The following VPS50 variants were observed in gnomAD, a reference collection of about 807,000 sequenced individuals.
VPS50 encodes the protein VPS50 subunit of EARP/GARPII complex.
VPS50 carries 70 observed loss-of-function variants against 139.7 expected under a neutral mutation model. That is an observed-to-expected ratio of 0.50 (90% CI 0.41 to 0.61). VPS50 has a LOEUF of 0.61. Ranked by LOEUF, VPS50 falls within the 20% of genes least tolerant of loss-of-function variation. The pLI, the probability that VPS50 is intolerant of heterozygous loss-of-function variation, is 0.00. For synonymous variants in VPS50, 365 were observed against 376.7 expected (o/e 0.97, Z 0.36); for missense variants, 921 against 1,133.7 (o/e 0.81, Z 2.69).
rs1795518846 is a variant in VPS50, at chr7:93,257,381, A to T, written c.352-13A>T. 1.6e-5 allele frequency: 24 copies of T among 1,519,758 alleles called. No homozygotes were observed. The highest frequency in any genetic ancestry group is 2.1e-5 in the Non-Finnish European group (23 of 1,096,654). The allele number at this position is 1,519,758 out of a possible 1,614,324, so 94.1% of individuals were successfully genotyped here. On this transcript the variant is annotated splice_polypyrimidine_tract_variant and intron_variant, in intron 5 of 27. Transcript: ENST00000305866. ...ATACCTCCAACAATAACCTGTACCTAATCTTCCCATAGGAACTTGAAAGAG... is the reference window on the plus strand; with the variant it reads ...ATACCTCCAACAATAACCTGTACCTTATCTTCCCATAGGAACTTGAAAGAG...
chr7:93,352,074 T>C (rs1798577600), intron 25 of VPS50, among the ~76,000 whole-genome samples: 1 of 152,190 alleles, frequency 6.6e-6, no homozygotes, highest in South Asian at 2.1e-4. Context: ...AAAAATGAAA[T>C]GTTTGTATGA....
intron 12 of VPS50, among the ~76,000 whole-genome samples, chr7:93,281,886 C>CT (rs1382537341): frequency 6.6e-6 from 1 of 152,122 alleles, no homozygotes; most frequent in African/African-American, 2.4e-5. Context: ...TGTTTTATAA[C>CT]TTTTTTGCCA....
chr7:93,297,181 G>A lies in VPS50; in HGVS notation c.1299G>A (p.Lys433=). The A allele has an allele frequency of 6.4e-7, 1 of 1,564,560 alleles. No homozygotes were observed. Among genetic ancestry groups the A allele is most frequent in the Non-Finnish European group, 8.6e-7 (1 of 1,164,890 alleles). The change falls in exon 16 of 28, where the codon AAG becomes AAA. Residue 433 remains lysine, a synonymous_variant. Coordinates refer to ENST00000305866, the MANE Select transcript of VPS50 (RefSeq NM_017667.4). ...TTGGAGAAGAATTTTGTGGTAGCAAGTCTGAAGTTTTACAGGAATCTATTA... is the reference window on the plus strand; with the variant it reads ...TTGGAGAAGAATTTTGTGGTAGCAAATCTGAAGTTTTACAGGAATCTATTA... The part of the protein sequence containing the change: ...MQVGEEFCGS[K]SEVLQESIRK...
chr7:93,327,028 C>T (rs1182809118), intron 21 of VPS50, among the ~76,000 whole-genome samples: 2 of 152,152 alleles, frequency 1.3e-5, no homozygotes, highest in African/African-American at 4.8e-5. Context: ...TTTGGAAACT[C>T]ACTAAATAAA....
chr7:93,260,091 A>G (rs537512009), intron 9 of VPS50, among the ~76,000 whole-genome samples: 1 of 152,328 alleles, frequency 6.6e-6, no homozygotes, highest in Non-Finnish European at 1.5e-5. Flanking sequence ...TTCAATTTAT[A>G]TAATAATAAT....
At chr7:93,343,425 G>A (rs928999778) in intron 23 of VPS50, among the ~76,000 whole-genome samples, 4 of 152,140 alleles carry the variant, frequency 2.6e-5, no homozygotes, top group Non-Finnish European at 5.9e-5. Context: ...TATTATCCAG[G>A]AGAACTTCCC....
chr7:93,247,337 A>G (rs946409916), intron 2 of VPS50, among the ~76,000 whole-genome samples: 9 of 152,002 alleles, frequency 5.9e-5, no homozygotes, highest in Non-Finnish European at 1.3e-4. Flanking sequence ...AACAAATCTC[A>G]GTTGTTGCAT....
chr7:93,334,491 G>T (rs535767477), intron 22 of VPS50, among the ~76,000 whole-genome samples: 2 of 152,288 alleles, frequency 1.3e-5, no homozygotes, highest in East Asian at 3.9e-4. Flanking sequence ...ACTTGTGCTA[G>T]GCTTCGAAGA....
chr7:93,306,742 T>G lies in VPS50; in HGVS notation c.1629+738T>G, dbSNP rs543668227. The stretch of plus-strand genomic sequence containing the variant: ...TTTTGTTTGATGGTTTCTTCTGATC[T>G]TCATAATTTCCATAATGACCCAATA... On this transcript the variant is annotated intron_variant, in intron 18 of 27. Coordinates refer to ENST00000305866, the MANE Select transcript of VPS50 (RefSeq NM_017667.4). 4.2e-4 allele frequency among the ~76,000 whole-genome samples: 64 copies of G among 152,098 alleles called. 1 individual carries two copies. In the Middle Eastern group the frequency reaches 0.027, roughly 65 times the overall value.
At chr7:93,314,889 C>T (rs1797379616) in intron 20 of VPS50, among the ~76,000 whole-genome samples, 1 of 151,850 alleles carries the variant, frequency 6.6e-6, no homozygotes, top group Non-Finnish European at 1.5e-5. Context: ...AGTTTCTCAG[C>T]AGTTTAGTTT....
chr7:93,268,957 C>A (rs185761895), intron 9 of VPS50, among the ~76,000 whole-genome samples: 11 of 152,178 alleles, frequency 7.2e-5, no homozygotes, highest in Non-Finnish European at 1.5e-4. Flanking sequence ...ATGGTAGAAT[C>A]ATCAGGATTT....
At chr7:93,316,117 T>C (rs949685382) in intron 20 of VPS50, among the ~76,000 whole-genome samples, 1 of 152,130 alleles carries the variant, frequency 6.6e-6, no homozygotes, top group South Asian at 2.1e-4. Flanking sequence ...TAGGTTCTCA[T>C]AGATGAAGTT....
chr7:93,341,317 T>C, intron 22 of VPS50, 110 bp from the exon 23 acceptor site: 1 of 661,684 alleles, frequency 1.5e-6, no homozygotes, highest in South Asian at 2.2e-5. Flanking sequence ...CTAAATGTAA[T>C]TAACGTGTGC....
intron 21 of VPS50, among the ~76,000 whole-genome samples, chr7:93,326,110 T>C (rs1160455861): frequency 6.6e-6 from 1 of 152,006 alleles, no homozygotes; most frequent in Non-Finnish European, 1.5e-5. Flanking sequence ...TAGAATACTA[T>C]GCAGCCATAA....
chr7:93,270,587 A>G (rs1229329637), intron 9 of VPS50, among the ~76,000 whole-genome samples: 4 of 151,878 alleles, frequency 2.6e-5, no homozygotes, highest in African/African-American at 7.3e-5. Context: ...TCTGTTCAGT[A>G]TGTATCCAGG....
intron 2 of VPS50, among the ~76,000 whole-genome samples, chr7:93,240,430 A>G (rs753032225): frequency 1.3e-5 from 2 of 152,176 alleles, no homozygotes; most frequent in Non-Finnish European, 2.9e-5. Context: ...ACTGAATTGT[A>G]TAACTTATCT....
At chr7:93,280,155 T>A (rs776663487) in intron 12 of VPS50, among the ~76,000 whole-genome samples, 3 of 152,190 alleles carry the variant, frequency 2.0e-5, no homozygotes, top group Non-Finnish European at 4.4e-5. Flanking sequence ...AAAGTTTAGT[T>A]GGTTTTGAGC....
intron 5 of VPS50, 60 bp from the exon 6 acceptor site, chr7:93,257,334 A>G: frequency 1.9e-6 from 2 of 1,027,358 alleles, no homozygotes; most frequent in East Asian, 2.4e-5. Context: ...AGAGTACTAT[A>G]TAAATAAGAA....
Position 93,353,726 on chromosome 7 carries a change from T to A in VPS50, c.2550T>A (p.His850Gln). 1.9e-6 allele frequency: 3 copies of A among 1,610,990 alleles called. No homozygotes were observed. The highest frequency in any genetic ancestry group is 3.3e-5 in the Admixed American group (2 of 59,796). Reference protein sequence around the residue: ...PLPVSNILWEHCIRLANRTIV... With the variant: ...PLPVSNILWEQCIRLANRTIV... The stretch of plus-strand genomic sequence containing the variant: ...CTGTGTCTAATATACTTTGGGAACA[T>A]TGTATACGATTGGCTAATCGAACTA... Residue 850 changes from histidine to glutamine, a missense_variant, in exon 26 of 28, where the codon CAT becomes CAA. Coordinates refer to ENST00000305866, the MANE Select transcript of VPS50 (RefSeq NM_017667.4).
Sources: allele counts gnomAD v4.1 joint callset (sites outside exome capture counted in the v4.1 genomes callset), GRCh38; gene constraint gnomAD v4.1.1; transcripts MANE v1.5; gene names NCBI Gene and HGNC (gene_info 2026-07-23, HGNC 2026-07-21).